Variants in USP34 observed in about 807,000 individuals in gnomAD.
USP34 encodes ubiquitin carboxyl-terminal hydrolase 34.
A neutral mutation model predicts 460.3 loss-of-function variants in USP34; 70 were observed. That is an observed-to-expected ratio of 0.15 (90% CI 0.13 to 0.19). The LOEUF (loss-of-function observed/expected upper bound fraction) is 0.19. Ranked by LOEUF, USP34 falls within the 10% of genes least tolerant of loss-of-function variation. The pLI, the probability that USP34 is intolerant of heterozygous loss-of-function variation, is 1.00. For synonymous variants in USP34, 1,647 were observed against 1,405.3 expected, an observed-to-expected ratio of 1.17 and a Z score of -3.85; for missense variants, 3,985 against 4,236.2, an observed-to-expected ratio of 0.94 and a Z score of 1.65.
At chr2:61,348,533 A>G in intron 14 of USP34, 53 bp from the exon 15 acceptor site, 2 of 1,559,212 alleles carry the variant, frequency 1.3e-6, no homozygotes, top group Middle Eastern at 1.7e-4. Context: ...GTAAGAAAAA[A>G]GGTAACCAAC....
At chr2:61,287,748 G>C (rs1002484140) in intron 34 of USP34, among the ~76,000 whole-genome samples, 5 of 152,318 alleles carry the variant, frequency 3.3e-5, no homozygotes, top group African/African-American at 1.2e-4. Context: ...CCAACTGTTT[G>C]TTATTGGTAA....
chr2:61,380,444 T>A, intron 6 of USP34, 83 bp from the exon 7 acceptor site: 3 of 1,390,868 alleles, frequency 2.2e-6, no homozygotes, highest in Non-Finnish European at 2.9e-6. Flanking sequence ...ATGTACATTG[T>A]AAGCATTAAC....
At chr2:61,403,698 G>A (rs1443983329) in intron 3 of USP34, among the ~76,000 whole-genome samples, 3 of 151,998 alleles carry the variant, frequency 2.0e-5, no homozygotes, top group Non-Finnish European at 4.4e-5. Flanking sequence ...TTATCAAAAA[G>A]CTTTAGAGGC....
At chr2:61,260,936 CAT>C (rs1375268101) in intron 43 of USP34, among the ~76,000 whole-genome samples, 1 of 152,142 alleles carries the variant, frequency 6.6e-6, no homozygotes, top group Non-Finnish European at 1.5e-5. Context: ...TAAATAAATA[CAT>C]AGCCTGCATC....
intron 1 of USP34, among the ~76,000 whole-genome samples, chr2:61,458,817 C>T (rs1410352196): frequency 2.0e-5 from 3 of 152,052 alleles, no homozygotes; most frequent in Non-Finnish European, 4.4e-5. Flanking sequence ...CCTGTAATCC[C>T]AGCACTTTGG....
At chr2:61,277,455 T>C (rs1689404652) in intron 41 of USP34, among the ~76,000 whole-genome samples, 3 of 152,082 alleles carry the variant, frequency 2.0e-5, no homozygotes, top group African/African-American at 7.2e-5. Context: ...TTGGCTGGTC[T>C]CGAACTCCTG....
chr2:61,341,748 G>C (rs1558538683), intron 16 of USP34, among the ~76,000 whole-genome samples: 1 of 149,044 alleles, frequency 6.7e-6, no homozygotes, highest in East Asian at 2.0e-4. Context: ...CCCAGACTCA[G>C]GTCTTTCTTT....
intron 58 of USP34, among the ~76,000 whole-genome samples, 161 bp downstream of exon 58, chr2:61,232,291 C>A (rs1014397582): frequency 2.6e-5 from 4 of 152,096 alleles, no homozygotes; most frequent in African/African-American, 9.7e-5. Context: ...GTTAAAAGAA[C>A]CTGGTGAAAC....
intron 41 of USP34, among the ~76,000 whole-genome samples, chr2:61,272,316 C>A (rs368328227): frequency 8.1e-5 from 12 of 148,758 alleles, no homozygotes; most frequent in Admixed American, 7.5e-4. Context: ...GAGGCTGCAG[C>A]GGGAGAATGG....
At position 61,214,556 on chromosome 2, in the gene USP34, T is replaced by C. The variant is rs1364609646; in HGVS notation, c.8186A>G (p.Asn2729Ser). The C allele has an allele frequency of 1.9e-6, 3 of 1,613,752 alleles. No homozygotes were observed. The highest frequency in any genetic ancestry group is 2.2e-5 in the East Asian group (1 of 44,896). ...TCTTGAGAGCAAACCAAGGAGCACG[T>C]TGTAGACCTGATGTAGGACTACTGT... ...DTTVVLHQVY[N>S]VLLGLLSRAK... is the part of the protein sequence containing the mutation. The change falls in exon 68 of 80, where the codon AAC (asparagine) becomes AGC (serine). Residue 2729 changes from asparagine to serine, a missense_variant. By Grantham distance (46) the Asn-to-Ser change is conservative. Transcript: ENST00000398571.
At chr2:61,225,787 C>T (rs1423265656) in intron 62 of USP34, among the ~76,000 whole-genome samples, 1 of 152,134 alleles carries the variant, frequency 6.6e-6, no homozygotes, top group African/African-American at 2.4e-5. Flanking sequence ...GTTAAAGATA[C>T]CTTATTTAGT....
intron 8 of USP34, among the ~76,000 whole-genome samples, chr2:61,377,917 G>C (rs1234098390): frequency 6.6e-6 from 1 of 152,178 alleles, no homozygotes; most frequent in African/African-American, 2.4e-5. Context: ...AGTGGCTCAC[G>C]CCTGTAATCC....
chr2:61,455,427 C>T (rs771149714), intron 1 of USP34, among the ~76,000 whole-genome samples: 13 of 152,156 alleles, frequency 8.5e-5, no homozygotes, highest in African/African-American at 1.4e-4. Context: ...ATCCACCAGC[C>T]TTGGCCTCCC....
intron 59 of USP34, 68 bp downstream of exon 59, chr2:61,229,480 A>AAC (rs1274322858): frequency 3.1e-5 from 24 of 780,490 alleles, no homozygotes; most frequent in Admixed American, 1.8e-4. Context: ...AAAAAACAAA[A>AAC]AAAAAAAACA....
chr2:61,235,941 A>G (rs1319889760), intron 56 of USP34, 31 bp from the exon 57 acceptor site: 1 of 1,605,702 alleles, frequency 6.2e-7, no homozygotes, highest in Admixed American at 1.7e-5. Flanking sequence ...AAAGCATATG[A>G]ACTTCTGAGC....
chr2:61,335,758 A>T (rs546096288), intron 18 of USP34, among the ~76,000 whole-genome samples: 2 of 152,318 alleles, frequency 1.3e-5, no homozygotes, highest in African/African-American at 4.8e-5. Flanking sequence ...AAGAGAAGAT[A>T]AAGGTTCAAT....
Position 61,211,848 on chromosome 2 carries a change from T to C in USP34, c.8764A>G (p.Lys2922Glu). The change falls in exon 69 of 80, where the codon AAA becomes GAA. Residue 2922 changes from lysine (K) to glutamate (E), a missense_variant. Physicochemically the swap from Lys to Glu is moderately conservative, Grantham distance 56 (BLOSUM62 1). Around this residue, in one of 14 missense-constraint regions of USP34, gnomAD observed 275 missense variants for 292.7 expected, o/e 0.94. Coordinates refer to ENST00000398571, the MANE Select transcript of USP34 (RefSeq NM_014709.4). ...DMREEELEDI[K>E]QFKKTTISCY... ...CTTATGGTTGTTTTCTTGAACTGTT[T>C]AATATCTTCTAATTCTTCTTCTCTC... 6.2e-7 allele frequency: 1 copy of C among 1,610,638 alleles called. No individual in the cohort carries two copies. Among genetic ancestry groups the C allele is most frequent in the East Asian group, 2.2e-5 (1 of 44,560 alleles).
At position 61,294,954 on chromosome 2, in the gene USP34, A is replaced by T. The variant is rs774752080; in HGVS notation, c.4456T>A (p.Cys1486Ser). 1.9e-6 allele frequency: 3 copies of T among 1,611,034 alleles called. No homozygotes were observed. The highest frequency in any genetic ancestry group is 2.5e-6 in the Non-Finnish European group (3 of 1,178,718). The change falls in exon 32 of 80, where the codon TGC (cysteine) becomes AGC (serine). Residue 1486 changes from cysteine to serine, a missense_variant. This residue lies in a region of USP34 where 1,114 missense variants were observed against 1,122.5 expected (regional missense o/e 0.99). Coordinates refer to ENST00000398571, the MANE Select transcript of USP34 (RefSeq NM_014709.4). ...AAAAACACATATGATCAAACCTTGCAACTCCAGGAATTTTTACTATTTTCC... is the reference window on the plus strand; with the variant it reads ...AAAAACACATATGATCAAACCTTGCTACTCCAGGAATTTTTACTATTTTCC... ...QVENSKNSWS[C>S]KFVAAGGLQQ...
chr2:61,341,755 CTTTTTT>C (rs896288474), intron 16 of USP34, among the ~76,000 whole-genome samples: 90 of 91,732 alleles, frequency 9.8e-4, no homozygotes, highest in Admixed American at 1.2e-3. Flanking sequence ...TCAGGTCTTT[CTTTTTT>C]TTTTTTTTTT....
Sources: allele counts gnomAD v4.1 joint callset (sites outside exome capture counted in the v4.1 genomes callset), GRCh38; gene constraint gnomAD v4.1.1; regional missense constraint gnomAD v4.1.1; transcripts MANE v1.5; gene names NCBI Gene and HGNC (gene_info 2026-07-23, HGNC 2026-07-21).